Variants in SDCBP observed in about 807,000 individuals in gnomAD.
SDCBP encodes syntenin-1.
Under a neutral mutation model 30.5 loss-of-function variants are expected in SDCBP, and 22 were observed. The ratio of observed to expected loss-of-function variants is 0.72; its 90% confidence interval spans 0.52 to 1.03. The LOEUF is 1.03. SDCBP is among the 50% of genes least tolerant of loss of function. The pLI is 0.00. For missense variants in SDCBP, 304 were observed against 369.9 expected, an observed-to-expected ratio of 0.82 and a Z score of 1.46; for synonymous variants, 103 against 118.7, an observed-to-expected ratio of 0.87 and a Z score of 0.86.
intron 1 of SDCBP, among the ~76,000 whole-genome samples, chr8:58,557,138 T>C (rs559002014): frequency 9.7e-6 from 1 of 103,012 alleles, no homozygotes; most frequent in South Asian, 2.9e-4. Context: ...GTATATATTA[T>C]ATACAATATT....
Position 58,565,017 on chromosome 8 carries a change from A to G in SDCBP, c.-15-2A>G. On this transcript the variant is annotated splice_acceptor_variant, in intron 1 of 8. Transcript: ENST00000260130. LOFTEE classifies it low-confidence loss of function (5UTR_SPLICE). Reference sequence around the variant, plus strand: ...GTAATAAAACTTTCTTTTTTTCTTTAGAAGAATCCTGCAAAAATGTCTCTC... The same window carrying G: ...GTAATAAAACTTTCTTTTTTTCTTTGGAAGAATCCTGCAAAAATGTCTCTC... 1 of 1,566,652 alleles carries G rather than the reference A, an allele frequency of 6.4e-7. No individual in the cohort carries two copies. The highest frequency in any genetic ancestry group is 8.7e-7 in the Non-Finnish European group (1 of 1,145,298).
intron 7 of SDCBP, 66 bp from the exon 8 acceptor site, chr8:58,580,451 G>A (rs929080933): frequency 5.9e-5 from 47 of 798,442 alleles, no homozygotes; most frequent in Non-Finnish European, 9.1e-5. Context: ...TACCAAGACT[G>A]GCATAGTTTT....
At chr8:58,556,449 A>T (rs988793614) in intron 1 of SDCBP, among the ~76,000 whole-genome samples, 7 of 151,902 alleles carry the variant, frequency 4.6e-5, no homozygotes. Flanking sequence ...GGGGTTGGGA[A>T]CTCCTGTTTT....
chr8:58,576,823 T>C (rs572391075), intron 5 of SDCBP, among the ~76,000 whole-genome samples: 29 of 152,340 alleles, frequency 1.9e-4, no homozygotes, highest in South Asian at 8.3e-4. Context: ...TCTAGCTTAG[T>C]GCATCCAGCC....
At chr8:58,561,491 G>C (rs1211417765) in intron 1 of SDCBP, 1 of 316,886 alleles carries the variant, frequency 3.2e-6, no homozygotes, top group East Asian at 5.6e-5. Context: ...ATATACAAAG[G>C]AGATTCTGTG....
intron 1 of SDCBP, among the ~76,000 whole-genome samples, chr8:58,563,865 C>T (rs998057027): frequency 2.0e-5 from 3 of 152,184 alleles, no homozygotes; most frequent in Non-Finnish European, 2.9e-5. Flanking sequence ...GGAACTTATT[C>T]TCCCTCTGGC....
intron 8 of SDCBP, among the ~76,000 whole-genome samples, chr8:58,581,454 T>G (rs1478969517): frequency 2.0e-5 from 3 of 152,200 alleles, no homozygotes; most frequent in Non-Finnish European, 2.9e-5. Flanking sequence ...GGAATTCATT[T>G]GTATCCTAAC....
intron 4 of SDCBP, 152 bp downstream of exon 4, chr8:58,572,466 AT>A (rs1805082491): frequency 1.7e-6 from 1 of 572,560 alleles, no homozygotes; most frequent in Admixed American, 3.0e-5. Flanking sequence ...ATCATTTCTT[AT>A]ATAGTCTACT....
At chr8:58,578,684 T>C (rs1483256869) in intron 6 of SDCBP, among the ~76,000 whole-genome samples, 2 of 152,202 alleles carry the variant, frequency 1.3e-5, no homozygotes, top group African/African-American at 4.8e-5. Flanking sequence ...CATTTAGAAC[T>C]TAAACATTTA....
intron 2 of SDCBP, among the ~76,000 whole-genome samples, chr8:58,570,333 G>A (rs1804945717): frequency 6.6e-6 from 1 of 152,136 alleles, no homozygotes; most frequent in Non-Finnish European, 1.5e-5. Context: ...ATTTATGTCA[G>A]TGATAAACTG....
intron 3 of SDCBP, among the ~76,000 whole-genome samples, chr8:58,571,559 T>A (rs1378183508): frequency 6.6e-6 from 1 of 152,238 alleles, no homozygotes; most frequent in Non-Finnish European, 1.5e-5. Flanking sequence ...GTTTATAACA[T>A]TGTGCCTCAT....
chr8:58,578,535 A>C (rs1805478848), intron 6 of SDCBP, among the ~76,000 whole-genome samples: 1 of 152,204 alleles, frequency 6.6e-6, no homozygotes, highest in South Asian at 2.1e-4. Flanking sequence ...GTTCACACAC[A>C]GTGGTCCCTC....
At chr8:58,557,199 AT>A (rs1386119393) in intron 1 of SDCBP, among the ~76,000 whole-genome samples, 1 of 127,206 alleles carries the variant, frequency 7.9e-6, no homozygotes, top group Non-Finnish European at 1.5e-5. Flanking sequence ...ATTATTATAT[AT>A]TAATATTATA....
chr8:58,562,476 G>A (rs571587862), intron 1 of SDCBP, among the ~76,000 whole-genome samples: 29 of 152,246 alleles, frequency 1.9e-4, no homozygotes, highest in African/African-American at 7.0e-4. Context: ...AGAATGTGTG[G>A]TACTGGTATA....
At chr8:58,571,506 G>A (rs79273134) in intron 3 of SDCBP, among the ~76,000 whole-genome samples, 10,155 of 152,166 alleles carry the variant, frequency 0.067, 858 homozygotes, top group East Asian at 0.26. Context: ...TACAAAATAA[G>A]TGTTAAATAA....
chr8:58,563,572 T>A (rs201348684), intron 1 of SDCBP, among the ~76,000 whole-genome samples: 6 of 149,946 alleles, frequency 4.0e-5, no homozygotes, highest in South Asian at 2.1e-4. Context: ...GAATTAAATT[T>A]AAAAAAAAAA....
chr8:58,556,880 TATTATAATACG>T lies in SDCBP; in HGVS notation c.-16+3578_-16+3588del, dbSNP rs1301844395. 9.1e-5 allele frequency among the ~76,000 whole-genome samples: 13 copies of T among 143,134 alleles called. No individual in the cohort carries two copies. The East Asian group carries it at 2.3e-3, about 25-fold the overall frequency. 93.9% of individuals were successfully genotyped at this position (143,134 alleles called of 152,430 possible). A position where few individuals can be genotyped will look rare whatever the true frequency, so the allele number is the denominator to read the frequency against. Reference sequence around the variant, plus strand: ...ATATATAACATATATAATACATATATATTATAATACGTATAATACGTATTATAATATATTCT... The same window carrying T: ...ATATATAACATATATAATACATATATTATAATACGTATTATAATATATTCT... On this transcript the variant is annotated intron_variant, in intron 1 of 8. Coordinates refer to ENST00000260130, the MANE Select transcript of SDCBP (RefSeq NM_005625.4).
chr8:58,556,704 A>G (rs1381773095), intron 1 of SDCBP, among the ~76,000 whole-genome samples: 1 of 151,740 alleles, frequency 6.6e-6, no homozygotes, highest in African/African-American at 2.4e-5. Context: ...TCACATAAGT[A>G]TTTAAGTTGA....
At chr8:58,563,381 CAG>C (rs1804535213) in intron 1 of SDCBP, among the ~76,000 whole-genome samples, 2 of 152,156 alleles carry the variant, frequency 1.3e-5, no homozygotes, top group African/African-American at 4.8e-5. Flanking sequence ...CAGGTAAAAA[CAG>C]AGGCGGGAAA....
Sources: allele counts gnomAD v4.1 joint callset (sites outside exome capture counted in the v4.1 genomes callset), GRCh38; gene constraint gnomAD v4.1.1; transcripts MANE v1.5; gene names NCBI Gene and HGNC (gene_info 2026-07-23, HGNC 2026-07-21).